Variants in PKD1L3 observed in about 807,000 individuals in gnomAD.
The protein encoded by PKD1L3 is polycystin 1 like 3, transient receptor potential channel interacting, also known as polycystin-1-like protein 3.
PKD1L3 carries 239 observed loss-of-function variants against 184.1 expected under a neutral mutation model. The observed-to-expected ratio is 1.30, with a 90% CI of 1.17 to 1.45. The LOEUF (loss-of-function observed/expected upper bound fraction) is 1.45, where lower values mean the gene tolerates loss of function less well. Ranked by LOEUF, PKD1L3 falls within the 40% of genes most tolerant of loss-of-function variation. The pLI is 0.00. For missense variants in PKD1L3, 2,660 were observed against 2,067.2 expected, an observed-to-expected ratio of 1.29 and a Z score of -5.56; for synonymous variants, 996 against 778.8, an observed-to-expected ratio of 1.28 and a Z score of -4.64.
chr16:71,994,781 C>T (rs2040723190), intron 2 of PKD1L3, among the ~76,000 whole-genome samples: 1 of 152,052 alleles, frequency 6.6e-6, no homozygotes, highest in Admixed American at 6.6e-5. Flanking sequence ...ACTGTATCAC[C>T]TGAGGTCAGG....
chr16:71,960,268 T>C (rs2039225926), intron 16 of PKD1L3, among the ~76,000 whole-genome samples: 1 of 151,656 alleles, frequency 6.6e-6, no homozygotes, highest in African/African-American at 2.4e-5. Context: ...TGCAAAATAA[T>C]ATGGTAAATT....
In PKD1L3 at chr16:71,986,436, G is replaced by C. The variant is rs1273568233; in HGVS notation, c.619C>G (p.Pro207Ala). 1 of 1,551,772 alleles carries C rather than the reference G, an allele frequency of 6.4e-7. No homozygotes were observed. ...GATGTGATACTTGATAGTACTGAAGGAAACTGGCTGATGGGATGACACAGG... is the reference window on the plus strand; with the variant it reads ...GATGTGATACTTGATAGTACTGAAGCAAACTGGCTGATGGGATGACACAGG... ...KTLCHPISQF[P>A]SVLSSITSQV... Residue 207 changes from proline to alanine, a missense_variant, in exon 5 of 30, where the codon CCT becomes GCT. Coordinates refer to ENST00000620267, the MANE Select transcript of PKD1L3 (RefSeq NM_181536.2).
chr16:71,990,344 AAGC>A lies in PKD1L3; in HGVS notation c.536-18_536-16del. On this transcript the variant is annotated splice_polypyrimidine_tract_variant and intron_variant, in intron 3 of 29. Coordinates refer to ENST00000620267, the MANE Select transcript of PKD1L3 (RefSeq NM_181536.2). ...ATGACCAGGTCCTATAGAAAAAAGA[AAGC>A]AGACTAAGTTCAAGTAAAAGCCTAA... 1 of 1,538,066 alleles carries A rather than the reference AAGC, an allele frequency of 6.5e-7. No homozygotes were observed. The highest frequency in any genetic ancestry group is 8.8e-7 in the Non-Finnish European group (1 of 1,136,146).
At chr16:71,988,907 T>A (rs563640340) in intron 4 of PKD1L3, among the ~76,000 whole-genome samples, 1 of 152,348 alleles carries the variant, frequency 6.6e-6, no homozygotes, top group South Asian at 2.1e-4. Context: ...TAACAAGTCC[T>A]GTGCAGAATT....
At chr16:71,956,661 T>C (rs1464247682) in intron 16 of PKD1L3, among the ~76,000 whole-genome samples, 1 of 152,078 alleles carries the variant, frequency 6.6e-6, no homozygotes, top group Non-Finnish European at 1.5e-5. Flanking sequence ...TGCCAAGGGT[T>C]GGAAGGGGGA....
rs1313448096 is a variant in PKD1L3, at chr16:71,978,377, C to G, written c.1405G>C (p.Gly469Arg). 6.5e-7 allele frequency: 1 copy of G among 1,548,356 alleles called. No individual in the cohort carries two copies. Among genetic ancestry groups the G allele is most frequent in the Non-Finnish European group, 8.7e-7 (1 of 1,145,106 alleles). ...TCCTTGAAGGGATTGAAAGCTAGTC[C>G]TGTTATCTAAAGACAAAGAGAAGCC... ...KHPGVNVQIT[G>R]LAFNPFKDLD... The change falls in exon 10 of 30, where the codon GGA becomes CGA. Residue 469 changes from glycine (G) to arginine (R), a missense_variant. Transcript: ENST00000620267.
intron 3 of PKD1L3, 144 bp downstream of exon 3, chr16:71,993,072 C>T (rs1379755934): frequency 3.8e-6 from 2 of 530,772 alleles, no homozygotes; most frequent in Non-Finnish European, 6.3e-6. Flanking sequence ...GCAAAGACTG[C>T]CATATTAAGA....
chr16:71,986,293 G>A lies in PKD1L3; in HGVS notation c.762C>T (p.Ser254=), dbSNP rs774556352. ...AGQSLAETTS[S]PKEEGHPNTF... The stretch of plus-strand genomic sequence containing the variant: ...TATTCGGATGACCTTCTTCCTTTGG[G>A]CTTGAAGTTGTTTCTGCCAGAGATT... The change falls in exon 5 of 30, where the codon AGC becomes AGT. Residue 254 remains serine (S), a synonymous_variant. Coordinates refer to ENST00000620267, the MANE Select transcript of PKD1L3 (RefSeq NM_181536.2). 2 of 1,552,158 alleles carry A rather than the reference G, an allele frequency of 1.3e-6. No individual in the cohort carries two copies. The highest frequency in any genetic ancestry group is 1.2e-5 in the South Asian group (1 of 84,060).
chr16:71,976,370 C>G (rs1266175841), intron 11 of PKD1L3, among the ~76,000 whole-genome samples: 1 of 148,928 alleles, frequency 6.7e-6, no homozygotes, highest in Non-Finnish European at 1.5e-5. Context: ...ATTCTTCTGC[C>G]TCAGCCTCCC....
In PKD1L3 at chr16:71,977,290, A is replaced by G. The variant is rs2143696918; in HGVS notation, c.1705T>C (p.Cys569Arg). Residue 569 changes from cysteine to arginine, a missense_variant, in exon 11 of 30, where the codon TGC becomes CGC. Cys to Arg is a radical substitution (Grantham distance 180). Transcript: ENST00000620267. ...GTGATGTTCAGGTGGAAGTGAGTGCAGTTAGGCTGATACTGGAACCCCAGG... is the reference window on the plus strand; with the variant it reads ...GTGATGTTCAGGTGGAAGTGAGTGCGGTTAGGCTGATACTGGAACCCCAGG... ...LYLGFQYQPN[C>R]THFHLNITLP... 6.5e-7 allele frequency: 1 copy of G among 1,541,360 alleles called. No individual in the cohort carries two copies. Among genetic ancestry groups the G allele is most frequent in the East Asian group, 2.4e-5 (1 of 40,884 alleles).
chr16:71,958,647 G>A (rs1181312767), intron 16 of PKD1L3, among the ~76,000 whole-genome samples: 2 of 150,194 alleles, frequency 1.3e-5, no homozygotes, highest in Non-Finnish European at 3.0e-5. Context: ...CAGGCGTGGT[G>A]GTGGGCGCCT....
intron 24 of PKD1L3, among the ~76,000 whole-genome samples, chr16:71,940,473 T>G (rs2038322990): frequency 6.6e-6 from 1 of 152,162 alleles, no homozygotes; most frequent in Non-Finnish European, 1.5e-5. Context: ...ATAAGCTCTA[T>G]GCATGGGCAC....
At chr16:71,939,268 CA>C (rs1158182475) in intron 24 of PKD1L3, among the ~76,000 whole-genome samples, 1 of 152,228 alleles carries the variant, frequency 6.6e-6, no homozygotes, top group Non-Finnish European at 1.5e-5. Flanking sequence ...CTTGCTCATC[CA>C]TACATACCTC....
chr16:71,999,816 T>C lies in PKD1L3; in HGVS notation c.163A>G (p.Arg55Gly), dbSNP rs1266325597. The change falls in exon 1 of 30, where the codon AGA (arginine) becomes GGA (glycine). Residue 55 changes from arginine to glycine, a missense_variant. Transcript: ENST00000620267. ...EEAQHYCHVQ[R>G]GFLAHIWNKE... is the part of the protein sequence containing the mutation. Reference sequence around the variant, plus strand: ...TTCCAAATATGAGCTAGGAATCCTCTCTGCACATGACAGTAATGCTGTGCT... The same window carrying C: ...TTCCAAATATGAGCTAGGAATCCTCCCTGCACATGACAGTAATGCTGTGCT... 1 of 1,551,742 alleles carries C rather than the reference T, an allele frequency of 6.4e-7. No homozygotes were observed. The highest frequency in any genetic ancestry group is 1.4e-5 in the African/African-American group (1 of 73,172).
At chr16:71,992,349 G>C (rs1179971014) in intron 3 of PKD1L3, among the ~76,000 whole-genome samples, 1 of 152,170 alleles carries the variant, frequency 6.6e-6, no homozygotes, top group African/African-American at 2.4e-5. Context: ...ATAGTCAAAT[G>C]TCTATTTAAT....
intron 7 of PKD1L3, among the ~76,000 whole-genome samples, chr16:71,980,816 C>CA (rs1475120001): frequency 6.6e-6 from 1 of 152,168 alleles, no homozygotes; most frequent in Admixed American, 6.6e-5. Context: ...GCCTGGGCAA[C>CA]AGAGCGAGAC....
Position 71,933,936 on chromosome 16 carries a change from C to T in PKD1L3, c.4803G>A (p.Leu1601=). The T allele has an allele frequency of 1.3e-6, 2 of 1,551,356 alleles. No individual in the cohort carries two copies. The highest frequency in any genetic ancestry group is 1.7e-6 in the Non-Finnish European group (2 of 1,146,882). Residue 1601 remains leucine, a synonymous_variant, in exon 27 of 30, where the codon CTG becomes CTA. Coordinates refer to ENST00000620267, the MANE Select transcript of PKD1L3 (RefSeq NM_181536.2). Reference sequence around the variant, plus strand: ...TTACGGCAATGGCATAGCCTGTCAGCAGGATTAGGATGATCAGCAGAAAGC... The same window carrying T: ...TTACGGCAATGGCATAGCCTGTCAGTAGGATTAGGATGATCAGCAGAAAGC... ...VVGFLLIILI[L]LTGYAIAFNL...
rs767877753 is a variant in PKD1L3, at chr16:71,951,672, A to G, written c.3082T>C (p.Trp1028Arg). The G allele has an allele frequency of 6.4e-7, 1 of 1,551,696 alleles. No individual in the cohort carries two copies. Among genetic ancestry groups the G allele is most frequent in the South Asian group, 1.2e-5 (1 of 84,062 alleles). The change falls in exon 19 of 30, where the codon TGG becomes CGG. Residue 1028 changes from tryptophan to arginine, a missense_variant. Coordinates refer to ENST00000620267, the MANE Select transcript of PKD1L3 (RefSeq NM_181536.2). Reference protein sequence around the residue: ...YLLSKCEQPPWSSWDITKLVK... With the variant: ...YLLSKCEQPPRSSWDITKLVK... Reference sequence around the variant, plus strand: ...AGCTTAGTAATGTCCCAAGAACTCCATGGCGGCTGCTCACACTTGGAGAGT... The same window carrying G: ...AGCTTAGTAATGTCCCAAGAACTCCGTGGCGGCTGCTCACACTTGGAGAGT...
At chr16:71,996,951 ATTTTTTTT>A (rs35603184) in intron 2 of PKD1L3, among the ~76,000 whole-genome samples, 1 of 129,596 alleles carries the variant, frequency 7.7e-6, no homozygotes, top group Non-Finnish European at 1.6e-5. Flanking sequence ...AATTGCTTTG[ATTTTTTTT>A]TTTTTTTTTT....
Sources: allele counts gnomAD v4.1 joint callset (sites outside exome capture counted in the v4.1 genomes callset), GRCh38; gene constraint gnomAD v4.1.1; transcripts MANE v1.5; gene names NCBI Gene and HGNC (gene_info 2026-07-23, HGNC 2026-07-21).